Variants in PRKCB observed in about 807,000 individuals in gnomAD.
PRKCB encodes protein kinase C beta.
Under a neutral mutation model 81.5 loss-of-function variants are expected in PRKCB, and 13 were observed. The observed-to-expected ratio is 0.16, with a 90% CI of 0.10 to 0.25. The LOEUF is 0.25. PRKCB is among the 10% of genes least tolerant of loss of function. The pLI is 1.00. For missense variants in PRKCB, 509 were observed against 875.7 expected, an observed-to-expected ratio of 0.58 and a Z score of 5.29; for synonymous variants, 335 against 321.4, an observed-to-expected ratio of 1.04 and a Z score of -0.45.
At chr16:23,975,448 G>A (rs1254935933) in intron 2 of PRKCB, among the ~76,000 whole-genome samples, 3 of 152,088 alleles carry the variant, frequency 2.0e-5, no homozygotes, top group South Asian at 2.1e-4. Context: ...AATCGCTGTT[G>A]CATCAGCGAG....
intron 3 of PRKCB, among the ~76,000 whole-genome samples, chr16:23,993,201 A>G (rs1394560886): frequency 6.6e-6 from 1 of 152,182 alleles, no homozygotes; most frequent in Non-Finnish European, 1.5e-5. Flanking sequence ...AAGCAGAACC[A>G]TAGGGAATAT....
At chr16:23,923,032 T>C (rs930500810) in intron 2 of PRKCB, among the ~76,000 whole-genome samples, 3 of 152,114 alleles carry the variant, frequency 2.0e-5, no homozygotes, top group Non-Finnish European at 4.4e-5. Context: ...TGTAGTTAGC[T>C]AGTGAATGCT....
intron 6 of PRKCB, among the ~76,000 whole-genome samples, chr16:24,093,357 A>T (rs544511371): frequency 6.6e-6 from 1 of 152,294 alleles, no homozygotes; most frequent in East Asian, 1.9e-4. Context: ...CTTCTGGGAC[A>T]TCTCCACCAG....
At chr16:24,175,410 A>C (rs1967512793) in intron 12 of PRKCB, among the ~76,000 whole-genome samples, 1 of 146,984 alleles carries the variant, frequency 6.8e-6, no homozygotes, top group Admixed American at 6.8e-5. Context: ...GTGGGCATAC[A>C]GAAGTGAATA....
At chr16:23,853,928 G>A (rs1007755930) in intron 2 of PRKCB, among the ~76,000 whole-genome samples, 1 of 78,628 alleles carries the variant, frequency 1.3e-5, no homozygotes, top group Admixed American at 1.3e-4. Context: ...CAGCATGGCT[G>A]GGGAGGCCTC....
chr16:24,007,423 T>C (rs544135689), intron 3 of PRKCB, among the ~76,000 whole-genome samples: 16 of 152,348 alleles, frequency 1.1e-4, no homozygotes, highest in South Asian at 4.1e-4. Flanking sequence ...GATAAAATGA[T>C]GGTAATGTGA....
At chr16:23,880,087 A>G (rs548494842) in intron 2 of PRKCB, among the ~76,000 whole-genome samples, 2 of 152,218 alleles carry the variant, frequency 1.3e-5, no homozygotes, top group African/African-American at 4.8e-5. Flanking sequence ...CCTTAGACTC[A>G]GTAGTACTCT....
intron 5 of PRKCB, among the ~76,000 whole-genome samples, chr16:24,068,038 G>C (rs13329979): frequency 0.016 from 2,467 of 151,994 alleles, 69 homozygotes; most frequent in African/African-American, 0.055. Context: ...CGAGCTCACT[G>C]TGTGCTGGTT....
At chr16:23,997,421 A>G (rs1237472213) in intron 3 of PRKCB, among the ~76,000 whole-genome samples, 1 of 152,260 alleles carries the variant, frequency 6.6e-6, no homozygotes, top group Admixed American at 6.5e-5. Flanking sequence ...CCTGCCAGGT[A>G]AGGAACCACC....
intron 12 of PRKCB, among the ~76,000 whole-genome samples, chr16:24,178,766 C>T (rs1345463054): frequency 1.3e-5 from 2 of 152,168 alleles, no homozygotes; most frequent in African/African-American, 4.8e-5. Context: ...CCTCCCCATC[C>T]CTTTGAATAA....
At chr16:24,165,523 G>C (rs936661704) in intron 10 of PRKCB, among the ~76,000 whole-genome samples, 7 of 152,344 alleles carry the variant, frequency 4.6e-5, no homozygotes, top group Admixed American at 6.5e-5. Flanking sequence ...CTCTGCTCCA[G>C]ATTGGCTCTG....
chr16:23,984,098 A>G (rs1964771904), intron 2 of PRKCB, among the ~76,000 whole-genome samples: 1 of 152,224 alleles, frequency 6.6e-6, no homozygotes, highest in African/African-American at 2.4e-5. Flanking sequence ...TACTTAAAAG[A>G]GGGTTTTTAG....
intron 12 of PRKCB, 123 bp from the exon 13 acceptor site, chr16:24,180,667 T>G: frequency 4.2e-6 from 5 of 1,199,286 alleles, no homozygotes; most frequent in Non-Finnish European, 5.9e-6. Flanking sequence ...CAAAGGCTGG[T>G]TTCTACTGAC....
intron 2 of PRKCB, among the ~76,000 whole-genome samples, chr16:23,844,589 G>A (rs903602474): frequency 9.2e-5 from 14 of 151,416 alleles, no homozygotes; most frequent in African/African-American, 2.7e-4. Flanking sequence ...CTAACTGCAA[G>A]CTCCACCTCC....
At chr16:24,142,183 T>A (rs1271104964) in intron 9 of PRKCB, among the ~76,000 whole-genome samples, 1 of 151,908 alleles carries the variant, frequency 6.6e-6, no homozygotes, top group Non-Finnish European at 1.5e-5. Context: ...TATGATAGAG[T>A]CAGGATTTGA....
At position 23,964,768 on chromosome 16, in the gene PRKCB, C is replaced by T. The variant is rs1416740517; in HGVS notation, c.206-23740C>T. Among the ~76,000 whole-genome samples, 3 of 150,950 alleles carry T rather than the reference C, an allele frequency of 2.0e-5. No individual in the cohort carries two copies. In the East Asian group the frequency reaches 5.9e-4, roughly 30 times the overall value. On this transcript the variant is annotated intron_variant, in intron 2 of 16. Coordinates refer to ENST00000643927, the MANE Select transcript of PRKCB (RefSeq NM_002738.7). ...ACTGCAGCCTCTGCCTCCTGGGGTT[C>T]AAGTGATTCTCCTGCTTCAGCCTCC...
At chr16:23,852,410 A>G (rs750542136) in intron 2 of PRKCB, among the ~76,000 whole-genome samples, 5 of 152,148 alleles carry the variant, frequency 3.3e-5, no homozygotes, top group Non-Finnish European at 5.9e-5. Flanking sequence ...TAACATGGGT[A>G]TCACATTTAT....
chr16:24,065,695 C>T (rs1966024447), intron 5 of PRKCB, among the ~76,000 whole-genome samples: 1 of 152,144 alleles, frequency 6.6e-6, no homozygotes, highest in South Asian at 2.1e-4. Flanking sequence ...TTTAGGCCTG[C>T]TGCAAATACA....
Position 24,142,368 on chromosome 16 carries a change from T to C in PRKCB, c.1066-12316T>C, listed in dbSNP as rs139455102. ...GATGCAGAAGTTAACCTCCATTTGA[T>C]TAGCTTCGGTGCACCAAGCTGCACC... On this transcript the variant is annotated intron_variant, in intron 9 of 16. Coordinates refer to ENST00000643927, the MANE Select transcript of PRKCB (RefSeq NM_002738.7). 2.6e-3 allele frequency among the ~76,000 whole-genome samples: 400 copies of C among 152,328 alleles called. 7 individuals are homozygous for C. The highest frequency in any genetic ancestry group is 0.024 in the Admixed American group (372 of 15,298).
Sources: gnomAD v4.1 joint callset for allele counts (sites outside exome capture counted in the v4.1 genomes callset) on GRCh38, gnomAD v4.1.1 for gene constraint, MANE v1.5 for transcripts, NCBI Gene and HGNC (gene_info 2026-07-23, HGNC 2026-07-21) for gene names.